DNAH6: variants seen among roughly 807,000 people sequenced by gnomAD.
DNAH6 encodes the protein dynein axonemal heavy chain 6.
Under a neutral mutation model 491.4 loss-of-function variants are expected in DNAH6, and 340 were observed. The ratio of observed to expected loss-of-function variants is 0.69; its 90% CI spans 0.63 to 0.76. The LOEUF (loss-of-function observed/expected upper bound fraction) is 0.76, where lower values mean the gene tolerates loss of function less well. Ranked by LOEUF, DNAH6 falls within the 30% of genes least tolerant of loss-of-function variation. The pLI is 0.00. For missense variants in DNAH6, 4,443 were observed against 4,972.2 expected (o/e 0.89, Z 3.20); for synonymous variants, 1,603 against 1,686.1 (o/e 0.95, Z 1.21).
chr2:84,544,081 T>A (rs1355597156), intron 4 of DNAH6, among the ~76,000 whole-genome samples, 152 bp from the exon 5 acceptor site: 2 of 152,172 alleles, frequency 1.3e-5, no homozygotes, highest in African/African-American at 2.4e-5. Context: ...AGTAATGTAT[T>A]TAATGTGAAA....
intron 61 of DNAH6, among the ~76,000 whole-genome samples, chr2:84,728,792 C>T (rs750501002): frequency 1.3e-5 from 2 of 151,970 alleles, no homozygotes; most frequent in Non-Finnish European, 1.5e-5. Context: ...TTGCTCTAGT[C>T]CCTTAAACTG....
chr2:84,537,246 G>A (rs1384283754), intron 4 of DNAH6, among the ~76,000 whole-genome samples: 1 of 152,018 alleles, frequency 6.6e-6, no homozygotes, highest in African/African-American at 2.4e-5. Context: ...GCTGCATTAG[G>A]AGGAACTAAG....
At chr2:84,558,340 G>C (rs1235104841) in intron 11 of DNAH6, among the ~76,000 whole-genome samples, 1 of 151,636 alleles carries the variant, frequency 6.6e-6, no homozygotes, top group Non-Finnish European at 1.5e-5. Context: ...TAGGAGAATG[G>C]TGTGAACCCG....
At chr2:84,705,304 A>G (rs1381343404) in intron 51 of DNAH6, among the ~76,000 whole-genome samples, 182 bp from the exon 52 acceptor site, 2 of 152,130 alleles carry the variant, frequency 1.3e-5, no homozygotes, top group Non-Finnish European at 2.9e-5. Context: ...TTAGTCACCC[A>G]TTTTCTTTTC....
At chr2:84,642,076 A>G in intron 33 of DNAH6, 22 bp downstream of exon 33, 1 of 1,462,912 alleles carries the variant, frequency 6.8e-7, no homozygotes, top group Admixed American at 2.0e-5. Context: ...GACATTACCA[A>G]GTAAAGCATG....
chr2:84,636,987 G>C (rs1179317211), intron 30 of DNAH6, among the ~76,000 whole-genome samples: 1 of 152,232 alleles, frequency 6.6e-6, no homozygotes, highest in Admixed American at 6.5e-5. Flanking sequence ...GAGACAGTTT[G>C]GGCAAGTCAG....
chr2:84,727,557 C>T, intron 60 of DNAH6, 112 bp from the exon 61 acceptor site: 1 of 662,752 alleles, frequency 1.5e-6, no homozygotes, highest in Non-Finnish European at 2.7e-6. Flanking sequence ...TTACTGTATT[C>T]ATCTCCCATG....
chr2:84,789,337 C>A (rs1449821552), intron 68 of DNAH6, among the ~76,000 whole-genome samples: 3 of 152,208 alleles, frequency 2.0e-5, no homozygotes, highest in Non-Finnish European at 2.9e-5. Flanking sequence ...TAAAGTTGAG[C>A]AAACTTTCCA....
chr2:84,661,141 T>C (rs1405948574), intron 37 of DNAH6, among the ~76,000 whole-genome samples: 1 of 152,160 alleles, frequency 6.6e-6, no homozygotes, highest in Non-Finnish European at 1.5e-5. Context: ...TCATGGGCTA[T>C]TAAAATAGCC....
the DNAH6 span, among the ~76,000 whole-genome samples, chr2:84,488,085 A>G: frequency 6.6e-6 from 1 of 152,200 alleles, no homozygotes; most frequent in Non-Finnish European, 1.5e-5. Flanking sequence ...GCATTAAAAA[A>G]ACATCCTAAG....
chr2:84,742,282 A>G (rs1395487771), intron 62 of DNAH6, among the ~76,000 whole-genome samples: 1 of 152,116 alleles, frequency 6.6e-6, no homozygotes, highest in Non-Finnish European at 1.5e-5. Flanking sequence ...TGTCATCATT[A>G]TGTTTTTGGT....
rs1218819791 is a variant in DNAH6, at chr2:84,659,125, G to A, written c.6040G>A (p.Asp2014Asn). 6.6e-6 allele frequency: 10 copies of A among 1,512,994 alleles called. No homozygotes were observed. The highest frequency in any genetic ancestry group is 4.1e-5 in the Admixed American group (2 of 49,280). The allele number at this position is 1,512,994 out of a possible 1,614,324, so 93.7% of individuals were successfully genotyped here. A position where few individuals can be genotyped will look rare whatever the true frequency, so the allele number is the denominator to read the frequency against. Reference sequence around the variant, plus strand: ...AACTGAAAACTACTATGATTCTTTTGATACATTTATTAGAACACAATTTGA... The same window carrying A: ...AACTGAAAACTACTATGATTCTTTTAATACATTTATTAGAACACAATTTGA... Reference protein sequence around the residue: ...NLTENYYDSFDTFIRTQFDDN... With the variant: ...NLTENYYDSFNTFIRTQFDDN... The change falls in exon 37 of 77, where the codon GAT becomes AAT. Residue 2014 changes from aspartate to asparagine, a missense_variant. Asp to Asn is a conservative substitution (Grantham distance 23, BLOSUM62 1). Around this residue, in one of 3 missense-constraint regions of DNAH6, gnomAD observed 2,977 missense variants for 3,296.6 expected, o/e 0.90. Coordinates refer to ENST00000389394, the MANE Select transcript of DNAH6 (RefSeq NM_001370.2).
the DNAH6 span, among the ~76,000 whole-genome samples, chr2:84,492,118 T>C: frequency 6.6e-6 from 1 of 152,194 alleles, no homozygotes; most frequent in Non-Finnish European, 1.5e-5. Flanking sequence ...ATGCCTTAGG[T>C]CTAAAGAAAA....
Position 84,707,468 on chromosome 2 carries a change from A to G in DNAH6, c.8852-52A>G. On this transcript the variant is annotated intron_variant, in intron 53 of 76. Coordinates refer to ENST00000389394, the MANE Select transcript of DNAH6 (RefSeq NM_001370.2). ...AGAAACAGGTAAATAAGCTTTTAAT[A>G]CTTTATGAAAATATTTAATAGTATA... 4.2e-6 allele frequency: 6 copies of G among 1,445,564 alleles called. No individual in the cohort carries two copies. In the South Asian group the frequency reaches 8.5e-5, roughly 20 times the overall value. 89.5% of individuals were successfully genotyped at this position (1,445,564 alleles called of 1,614,324 possible). A position where few individuals can be genotyped will look rare whatever the true frequency, so the allele number is the denominator to read the frequency against.
At chr2:84,636,779 T>G (rs1470059103) in intron 30 of DNAH6, among the ~76,000 whole-genome samples, 1 of 151,912 alleles carries the variant, frequency 6.6e-6, no homozygotes, top group African/African-American at 2.4e-5. Context: ...CCCAGCTACT[T>G]GGCAGGCTGA....
At chr2:84,714,902 T>C (rs1697375939) in intron 57 of DNAH6, among the ~76,000 whole-genome samples, 1 of 151,280 alleles carries the variant, frequency 6.6e-6, no homozygotes. Flanking sequence ...TATTACAAAA[T>C]CCTTGAAGTA....
intron 13 of DNAH6, among the ~76,000 whole-genome samples, chr2:84,578,134 T>C (rs551242494): frequency 2.0e-5 from 3 of 152,288 alleles, no homozygotes; most frequent in Non-Finnish European, 4.4e-5. Context: ...AGAAAACATT[T>C]TCTGGCCCCT....
chr2:84,683,226 G>A (rs983456695), intron 42 of DNAH6, among the ~76,000 whole-genome samples: 2 of 151,944 alleles, frequency 1.3e-5, no homozygotes, highest in African/African-American at 4.8e-5. Context: ...GCTCCCCAAG[G>A]GCTGTATGCT....
chr2:84,639,417 A>ATTTT (rs374331918), intron 31 of DNAH6, among the ~76,000 whole-genome samples: 3,976 of 133,122 alleles, frequency 0.03, 88 homozygotes, highest in Middle Eastern at 0.11. Context: ...GTTGTCAGTA[A>ATTTT]TTTTTTTTTT....
Sources: allele counts gnomAD v4.1 joint callset (sites outside exome capture counted in the v4.1 genomes callset), GRCh38; gene constraint gnomAD v4.1.1; regional missense constraint gnomAD v4.1.1; transcripts MANE v1.5; gene names NCBI Gene and HGNC (gene_info 2026-07-23, HGNC 2026-07-21).